Variants in MAN1A2 observed in about 807,000 individuals in gnomAD.
MAN1A2 encodes the protein mannosyl-oligosaccharide 1,2-alpha-mannosidase IB.
A neutral mutation model predicts 75.7 loss-of-function variants in MAN1A2; 26 were observed. That is an observed-to-expected ratio of 0.34 (90% CI 0.25 to 0.48). The LOEUF is 0.48. Among genes scored for constraint, MAN1A2 ranks in the 20% least tolerant of loss-of-function variants. The probability of loss-of-function intolerance (pLI) is 0.99; values close to 1 mark genes in which losing one functional copy is unlikely to be tolerated. For missense variants in MAN1A2, 562 were observed against 775.5 expected, an observed-to-expected ratio of 0.72 and a Z score of 3.27; for synonymous variants, 247 against 264.6, an observed-to-expected ratio of 0.93 and a Z score of 0.65.
Position 117,496,969 on chromosome 1 carries a change from A to C in MAN1A2, c.1491A>C (p.Ser497=), listed in dbSNP as rs1651052995. 1 of 1,608,522 alleles carries C rather than the reference A, an allele frequency of 6.2e-7. No homozygotes were observed. Among genetic ancestry groups the C allele is most frequent in the African/African-American group, 1.3e-5 (1 of 74,720 alleles). The change falls in exon 10 of 13, where the codon TCA becomes TCC. Residue 497 remains serine, a synonymous_variant. Transcript: ENST00000356554. ...AAATTGCACGTACTTGTCATGAGTC[A>C]TATGACAGAACTGGTAAGAATATTA... ...GAEIARTCHE[S]YDRTALKLGP...
chr1:117,390,983 G>A (rs1192842406), intron 1 of MAN1A2, among the ~76,000 whole-genome samples: 1 of 152,018 alleles, frequency 6.6e-6, no homozygotes, highest in Non-Finnish European at 1.5e-5. Context: ...TCAGAGTTTG[G>A]TATGTTTAGT....
chr1:117,448,094 C>G lies in MAN1A2; in HGVS notation c.950+5769C>G, dbSNP rs1649296729. Among the ~76,000 whole-genome samples, 3 of 152,182 alleles carry G rather than the reference C, an allele frequency of 2.0e-5. No homozygotes were observed. In the South Asian group the frequency reaches 6.2e-4, roughly 32 times the overall value. On this transcript the variant is annotated intron_variant, in intron 6 of 12. Transcript: ENST00000356554. ...ATCTGCTTGTATCCTCTCTGAGTTC[C>G]TGGAGCAGTGGTTTGTAGTTCTCCT...
chr1:117,410,448 T>C (rs961164633), intron 3 of MAN1A2, among the ~76,000 whole-genome samples: 1 of 151,738 alleles, frequency 6.6e-6, no homozygotes, highest in Admixed American at 6.6e-5. Flanking sequence ...ATAAAGAGAA[T>C]TTCAAAACAA....
rs966074405 is a variant in MAN1A2 at position 117,523,481 on chromosome 1, A to G, written c.*524A>G. On this transcript the variant is annotated 3_prime_UTR_variant, in exon 13 of 13. Coordinates refer to ENST00000356554, the MANE Select transcript of MAN1A2 (RefSeq NM_006699.5). Reference sequence around the variant, plus strand: ...TAGTATAATTATATCAGTAACAAGAAGACTCAAAAAAGAAACAGGAGTACC... The same window carrying G: ...TAGTATAATTATATCAGTAACAAGAGGACTCAAAAAAGAAACAGGAGTACC... The G allele has an allele frequency of 4.2e-6, 1 of 235,840 alleles. No individual in the cohort carries two copies. Among genetic ancestry groups the G allele is most frequent in the African/African-American group, 2.3e-5 (1 of 42,956 alleles). 14.6% of individuals were successfully genotyped at this position (235,840 alleles called of 1,614,324 possible). A position where few individuals can be genotyped will look rare whatever the true frequency, so the allele number is the denominator to read the frequency against.
intron 6 of MAN1A2, among the ~76,000 whole-genome samples, chr1:117,446,255 C>CT (rs1209322106): frequency 4.0e-5 from 6 of 150,974 alleles, no homozygotes; most frequent in African/African-American, 9.7e-5. Context: ...TTAATTTTTA[C>CT]TTTTTTTTGG....
At chr1:117,418,901 A>G (rs1029006862) in intron 4 of MAN1A2, among the ~76,000 whole-genome samples, 22 of 152,244 alleles carry the variant, frequency 1.4e-4, no homozygotes, top group East Asian at 9.6e-4. Context: ...TGGTATTAAT[A>G]TTTTATATTA....
At position 117,460,489 on chromosome 1, in the gene MAN1A2, T is replaced by C. The variant is rs1290293605; in HGVS notation, c.951T>C (p.Ser317=). 1 of 1,609,696 alleles carries C rather than the reference T, an allele frequency of 6.2e-7. No homozygotes were observed. The highest frequency in any genetic ancestry group is 1.1e-5 in the South Asian group (1 of 90,330). ...CCTTTTACTTTTCCTTTTCATTCAG[T>C]GGAGTAGGGCGAAACTGGGGCTGGG... ...GIPWAMVNLK[S]GVGRNWGWAS... The change falls in exon 7 of 13, where the codon AGT becomes AGC. Residue 317 remains serine, a splice_region_variant and synonymous_variant. Coordinates refer to ENST00000356554, the MANE Select transcript of MAN1A2 (RefSeq NM_006699.5).
At chr1:117,414,568 A>G in intron 3 of MAN1A2, 145 bp from the exon 4 acceptor site, 1 of 462,334 alleles carries the variant, frequency 2.2e-6, no homozygotes, top group East Asian at 3.2e-5. Flanking sequence ...CTAAATTTTT[A>G]GTCCTTATAC....
chr1:117,521,715 T>C (rs766909247), intron 12 of MAN1A2, among the ~76,000 whole-genome samples: 19 of 151,896 alleles, frequency 1.3e-4, no homozygotes, highest in Non-Finnish European at 2.7e-4. Context: ...ACAAAAACGA[T>C]TCGTGCACAT....
chr1:117,417,534 A>AATATATATATATACATATATATATAT (rs1648034848), intron 4 of MAN1A2, among the ~76,000 whole-genome samples: 2 of 89,218 alleles, frequency 2.2e-5, no homozygotes, highest in Non-Finnish European at 4.4e-5. Context: ...CTTGAGTTTA[A>AATATATATATATACATATATATATAT]ATATATATAT....
chr1:117,422,620 G>A (rs1648234233), intron 5 of MAN1A2, among the ~76,000 whole-genome samples: 1 of 152,032 alleles, frequency 6.6e-6, no homozygotes, highest in African/African-American at 2.4e-5. Context: ...CATTCTAATA[G>A]ATACATAGTA....
At chr1:117,433,368 C>T (rs747775580) in intron 5 of MAN1A2, among the ~76,000 whole-genome samples, 11 of 152,110 alleles carry the variant, frequency 7.2e-5, no homozygotes, top group Non-Finnish European at 1.6e-4. Context: ...GCTACTCAAC[C>T]TGTACTAAAA....
chr1:117,441,781 C>G (rs1276340191), intron 5 of MAN1A2, among the ~76,000 whole-genome samples: 1 of 152,082 alleles, frequency 6.6e-6, no homozygotes, highest in Admixed American at 6.6e-5. Context: ...TGTTTTCTTT[C>G]CTTTTCTATC....
chr1:117,505,782 C>T (rs879621342), intron 12 of MAN1A2, among the ~76,000 whole-genome samples: 10 of 150,936 alleles, frequency 6.6e-5, no homozygotes, highest in Non-Finnish European at 1.3e-4. Flanking sequence ...TTTTATGTTG[C>T]TAAATTATAA....
At chr1:117,389,892 C>T (rs1275450475) in intron 1 of MAN1A2, among the ~76,000 whole-genome samples, 2 of 151,768 alleles carry the variant, frequency 1.3e-5, no homozygotes, top group Non-Finnish European at 2.9e-5. Flanking sequence ...ATTCCTAGTT[C>T]GCTGAGAATT....
chr1:117,431,212 G>A (rs1351555617), intron 5 of MAN1A2, among the ~76,000 whole-genome samples: 3 of 53,104 alleles, frequency 5.6e-5, no homozygotes, highest in East Asian at 1.1e-3. Flanking sequence ...GGAGGGGGAG[G>A]GGGAGGGGGA....
chr1:117,393,179 C>CATTTGCTGTTG, intron 1 of MAN1A2, among the ~76,000 whole-genome samples: 1 of 152,286 alleles, frequency 6.6e-6, no homozygotes, highest in South Asian at 2.1e-4. Flanking sequence ...AGAGTATGTT[C>CATTTGCTGTTG]ATTTGCTGTT....
At chr1:117,400,003 G>A (rs1485711461) in intron 1 of MAN1A2, among the ~76,000 whole-genome samples, 1 of 152,084 alleles carries the variant, frequency 6.6e-6, no homozygotes, top group Non-Finnish European at 1.5e-5. Context: ...TGTGGGGCTG[G>A]GATTGGAAGA....
At chr1:117,429,571 G>A (rs1224635865) in intron 5 of MAN1A2, among the ~76,000 whole-genome samples, 6 of 98,226 alleles carry the variant, frequency 6.1e-5, no homozygotes, top group Admixed American at 9.0e-5. Flanking sequence ...GCGGCTGGCC[G>A]GGCGGGGGGC....
Sources: gnomAD v4.1 joint callset for allele counts (sites outside exome capture counted in the v4.1 genomes callset) on GRCh38, gnomAD v4.1.1 for gene constraint, MANE v1.5 for transcripts, NCBI Gene and HGNC (gene_info 2026-07-23, HGNC 2026-07-21) for gene names.